Variants in FRMD4A observed in about 807,000 individuals in gnomAD.
The protein encoded by FRMD4A is FERM domain containing 4A, also known as FERM domain-containing protein 4A.
A neutral mutation model predicts 129.1 loss-of-function variants in FRMD4A; 29 were observed. The ratio of observed to expected loss-of-function variants is 0.22; its 90% confidence interval spans 0.17 to 0.31. The LOEUF (loss-of-function observed/expected upper bound fraction) is 0.31, where lower values mean the gene tolerates loss of function less well. Among genes scored for constraint, FRMD4A ranks in the 10% least tolerant of loss-of-function variants. The pLI, the probability that FRMD4A is intolerant of heterozygous loss-of-function variation, is 1.00. For synonymous variants in FRMD4A, 634 were observed against 571.6 expected (o/e 1.11, Z -1.56); for missense variants, 1,272 against 1,375.8 (o/e 0.92, Z 1.19).
chr10:13,909,711 TA>T (rs1362470768), intron 2 of FRMD4A, among the ~76,000 whole-genome samples: 1 of 152,170 alleles, frequency 6.6e-6, no homozygotes, highest in Non-Finnish European at 1.5e-5. Flanking sequence ...AAACTCATAA[TA>T]AAAAATTTTG....
chr10:13,818,542 A>G (rs1247997377), intron 3 of FRMD4A, among the ~76,000 whole-genome samples: 1 of 152,138 alleles, frequency 6.6e-6, no homozygotes, highest in Non-Finnish European at 1.5e-5. Context: ...TAAGAGTGTT[A>G]TTCACCCATT....
At chr10:14,113,530 C>T (rs74459336) in intron 2 of FRMD4A, among the ~76,000 whole-genome samples, 5,343 of 152,142 alleles carry the variant, frequency 0.035, 141 homozygotes, top group Non-Finnish European at 0.052. Flanking sequence ...TGGTGAAGAT[C>T]AACAGTAGAC....
At chr10:13,790,960 C>T (rs574821724) in intron 5 of FRMD4A, among the ~76,000 whole-genome samples, 1 of 152,232 alleles carries the variant, frequency 6.6e-6, no homozygotes, top group East Asian at 1.9e-4. Flanking sequence ...GGGAGAAGCT[C>T]TGTGAGGTGA....
chr10:13,734,092 G>A (rs1024661948), intron 12 of FRMD4A, among the ~76,000 whole-genome samples: 1 of 152,142 alleles, frequency 6.6e-6, no homozygotes, highest in Non-Finnish European at 1.5e-5. Flanking sequence ...TTCTCTCAGC[G>A]TCCACACTCT....
chr10:14,070,724 A>G (rs1347039268), intron 2 of FRMD4A, among the ~76,000 whole-genome samples: 1 of 151,980 alleles, frequency 6.6e-6, no homozygotes. Flanking sequence ...TCTTTCTATT[A>G]AGTGCTGGTT....
At chr10:14,058,797 T>C (rs1032287489) in intron 2 of FRMD4A, among the ~76,000 whole-genome samples, 1 of 152,170 alleles carries the variant, frequency 6.6e-6, no homozygotes, top group East Asian at 1.9e-4. Flanking sequence ...GCTGATTGGC[T>C]GGGCATGATT....
rs1359505660 is a variant in FRMD4A at position 14,146,271 on chromosome 10, G to C, written c.45+183787C>G. On this transcript the variant is annotated intron_variant, in intron 2 of 24. Transcript: ENST00000357447. ...GCACTGAATGTGGCAGCTAGATTAT[G>C]TGACAGGAATGTTACAGGGAAAAAG... Among the ~76,000 whole-genome samples, 4 of 152,338 alleles carry C rather than the reference G, an allele frequency of 2.6e-5. No individual in the cohort carries two copies. In the East Asian group the frequency reaches 5.8e-4, roughly 22 times the overall value.
At chr10:14,308,529 T>C (rs1051966008) in intron 2 of FRMD4A, among the ~76,000 whole-genome samples, 4 of 152,170 alleles carry the variant, frequency 2.6e-5, no homozygotes, top group Non-Finnish European at 2.9e-5. Flanking sequence ...ACAACCTGCT[T>C]TCCTATGATT....
chr10:14,035,754 C>T (rs1003277487), intron 2 of FRMD4A, among the ~76,000 whole-genome samples: 3 of 152,216 alleles, frequency 2.0e-5, no homozygotes, highest in African/African-American at 7.2e-5. Context: ...GTTTTTAATA[C>T]AGCCTCACAC....
At chr10:14,071,639 T>C (rs1835324127) in intron 2 of FRMD4A, among the ~76,000 whole-genome samples, 1 of 152,006 alleles carries the variant, frequency 6.6e-6, no homozygotes, top group South Asian at 2.1e-4. Context: ...GAAGTTAACA[T>C]ACAAATTATT....
intron 2 of FRMD4A, among the ~76,000 whole-genome samples, chr10:14,294,921 T>C (rs921306517): frequency 6.6e-6 from 1 of 152,220 alleles, no homozygotes; most frequent in Admixed American, 6.5e-5. Flanking sequence ...AGTCTCACAT[T>C]AATCGGCAAT....
At chr10:14,102,740 T>G (rs1319367942) in intron 2 of FRMD4A, among the ~76,000 whole-genome samples, 1 of 148,316 alleles carries the variant, frequency 6.7e-6, no homozygotes, top group African/African-American at 2.5e-5. Context: ...TGGCTTCTAG[T>G]ACAACTTTCT....
chr10:14,222,581 G>A (rs967176897), intron 2 of FRMD4A, among the ~76,000 whole-genome samples: 34 of 152,140 alleles, frequency 2.2e-4, no homozygotes, highest in African/African-American at 7.7e-4. Context: ...GAAATTAGAA[G>A]CTACTTCTTA....
chr10:13,775,937 A>G (rs538609546), intron 6 of FRMD4A, among the ~76,000 whole-genome samples: 1 of 152,220 alleles, frequency 6.6e-6, no homozygotes, highest in South Asian at 2.1e-4. Flanking sequence ...TTTGGGTAAA[A>G]CAATGGGTTG....
rs138408216 is a variant in FRMD4A, at chr10:13,775,544, G to A, written c.384+7378C>T. 4.9e-3 allele frequency among the ~76,000 whole-genome samples: 748 copies of A among 152,230 alleles called. 12 individuals carry two copies. The highest frequency in any genetic ancestry group is 0.017 in the African/African-American group (697 of 41,544). Reference sequence around the variant, plus strand: ...TTTACTTCCCATATGCGCTTTCTCTGGATTGATTGCAGGATGTTCTCCAGC... The same window carrying A: ...TTTACTTCCCATATGCGCTTTCTCTAGATTGATTGCAGGATGTTCTCCAGC... On this transcript the variant is annotated intron_variant, in intron 6 of 24. Coordinates refer to ENST00000357447, the MANE Select transcript of FRMD4A (RefSeq NM_018027.5).
intron 6 of FRMD4A, among the ~76,000 whole-genome samples, chr10:13,766,506 G>A (rs370494581): frequency 4.6e-5 from 7 of 152,112 alleles, no homozygotes; most frequent in African/African-American, 1.2e-4. Context: ...TTCTGACCTC[G>A]CCTATTTAAC....
chr10:13,970,452 G>A (rs544100281), intron 2 of FRMD4A, among the ~76,000 whole-genome samples: 3 of 152,282 alleles, frequency 2.0e-5, no homozygotes, highest in African/African-American at 7.2e-5. Context: ...GAGGGGACGG[G>A]TGGTTTAGCC....
chr10:13,952,698 A>T (rs1483643671), intron 2 of FRMD4A, among the ~76,000 whole-genome samples: 1 of 151,738 alleles, frequency 6.6e-6, no homozygotes, highest in African/African-American at 2.4e-5. Flanking sequence ...TTTAATTTTA[A>T]TTTTTTATTT....
chr10:14,221,749 C>A (rs527982398), intron 2 of FRMD4A, among the ~76,000 whole-genome samples: 1 of 151,468 alleles, frequency 6.6e-6, no homozygotes, highest in Non-Finnish European at 1.5e-5. Context: ...GAGATGGGGT[C>A]TCACTATGTT....
Sources: gnomAD v4.1 joint callset for allele counts (sites outside exome capture counted in the v4.1 genomes callset) on GRCh38, gnomAD v4.1.1 for gene constraint, MANE v1.5 for transcripts, NCBI Gene and HGNC (gene_info 2026-07-23, HGNC 2026-07-21) for gene names.